The following VEPH1 variants were observed in gnomAD, a reference collection of about 807,000 sequenced individuals.
VEPH1 encodes the protein ventricular zone-expressed PH domain-containing protein homolog 1.
Under a neutral mutation model 85.2 loss-of-function variants are expected in VEPH1, and 80 were observed. That is an observed-to-expected ratio of 0.94 (90% CI 0.78 to 1.13). The LOEUF (loss-of-function observed/expected upper bound fraction) is 1.13. Among genes scored for constraint, VEPH1 ranks in the 50% most tolerant of loss-of-function variants. The pLI is 0.00. For synonymous variants in VEPH1, 297 were observed against 348.0 expected (o/e 0.85, Z 1.63); for missense variants, 955 against 980.5 (o/e 0.97, Z 0.35).
chr3:157,484,095 T>G (rs951830076), intron 2 of VEPH1, among the ~76,000 whole-genome samples: 1 of 152,052 alleles, frequency 6.6e-6, no homozygotes. Context: ...GAGAGAAAAG[T>G]AGATTCGGTA....
At chr3:157,295,218 A>C (rs1203702683) in intron 11 of VEPH1, among the ~76,000 whole-genome samples, 1 of 152,226 alleles carries the variant, frequency 6.6e-6, no homozygotes, top group Non-Finnish European at 1.5e-5. Context: ...AAATAATAGT[A>C]ATCTGTGATG....
chr3:157,294,934 CATT>C, intron 11 of VEPH1, among the ~76,000 whole-genome samples: 1 of 152,258 alleles, frequency 6.6e-6, no homozygotes, highest in Admixed American at 6.5e-5. Context: ...AAGCTGGAGA[CATT>C]AGTCTTCCCT....
chr3:157,439,830 A>C (rs1733980395), intron 4 of VEPH1, among the ~76,000 whole-genome samples: 1 of 152,126 alleles, frequency 6.6e-6, no homozygotes, highest in Non-Finnish European at 1.5e-5. Flanking sequence ...GGCTCACTGC[A>C]AGCTCCGCCT....
At chr3:157,269,174 C>T (rs918150482) in intron 12 of VEPH1, among the ~76,000 whole-genome samples, 6 of 152,118 alleles carry the variant, frequency 3.9e-5, no homozygotes, top group African/African-American at 1.4e-4. Context: ...TTTATTTTTT[C>T]TCAAGGCAGA....
At chr3:157,379,371 A>T (rs1728504255) in intron 7 of VEPH1, among the ~76,000 whole-genome samples, 2 of 152,126 alleles carry the variant, frequency 1.3e-5, no homozygotes, top group Non-Finnish European at 2.9e-5. Context: ...GTGCAACTTG[A>T]CCTAGTGTCT....
chr3:157,280,006 C>A, intron 12 of VEPH1, among the ~76,000 whole-genome samples: 1 of 110,236 alleles, frequency 9.1e-6, no homozygotes, highest in East Asian at 2.7e-4. Context: ...CAGAGCAAGA[C>A]TCTGTTTCAA....
chr3:157,436,507 AATG>A (rs950391077), intron 4 of VEPH1, among the ~76,000 whole-genome samples: 3 of 152,152 alleles, frequency 2.0e-5, no homozygotes, highest in African/African-American at 7.2e-5. Context: ...AAAATGCTGA[AATG>A]ATGATTTGCT....
At chr3:157,398,263 G>T (rs1730563960) in intron 6 of VEPH1, among the ~76,000 whole-genome samples, 2 of 152,132 alleles carry the variant, frequency 1.3e-5, no homozygotes, top group African/African-American at 2.4e-5. Flanking sequence ...GCCAGTTCAG[G>T]TCACATACAA....
At chr3:157,288,567 A>T (rs1245359535) in intron 11 of VEPH1, among the ~76,000 whole-genome samples, 1 of 152,206 alleles carries the variant, frequency 6.6e-6, no homozygotes, top group Non-Finnish European at 1.5e-5. Context: ...ATTGGTTTGT[A>T]GACCCAGCAC....
At chr3:157,267,105 T>C (rs1577186847) in intron 12 of VEPH1, among the ~76,000 whole-genome samples, 1 of 59,502 alleles carries the variant, frequency 1.7e-5, no homozygotes, top group African/African-American at 5.9e-5. Context: ...TTTTTTTCTT[T>C]TTTTTTTTTT....
At chr3:157,418,599 A>G (rs1732097835) in intron 5 of VEPH1, among the ~76,000 whole-genome samples, 1 of 152,234 alleles carries the variant, frequency 6.6e-6, no homozygotes, top group Non-Finnish European at 1.5e-5. Context: ...CAAAGAGAAT[A>G]AAATATCTTG....
At chr3:157,444,971 G>A (rs571018244) in intron 4 of VEPH1, among the ~76,000 whole-genome samples, 2 of 152,246 alleles carry the variant, frequency 1.3e-5, no homozygotes, top group Admixed American at 6.5e-5. Flanking sequence ...TAGCTTTAGT[G>A]GAACATGTGA....
chr3:157,379,471 G>A (rs1728515085), intron 7 of VEPH1, among the ~76,000 whole-genome samples: 1 of 152,120 alleles, frequency 6.6e-6, no homozygotes, highest in Non-Finnish European at 1.5e-5. Flanking sequence ...CTGGCTGCTG[G>A]TCAGTACATC....
At chr3:157,423,498 C>A (rs1732511919) in intron 5 of VEPH1, among the ~76,000 whole-genome samples, 1 of 152,216 alleles carries the variant, frequency 6.6e-6, no homozygotes, top group Non-Finnish European at 1.5e-5. Context: ...TCTCCTGAAG[C>A]TTCCTGTGAA....
intron 6 of VEPH1, among the ~76,000 whole-genome samples, chr3:157,384,716 A>C (rs961106466): frequency 1.3e-5 from 2 of 152,358 alleles, no homozygotes; most frequent in East Asian, 3.9e-4. Context: ...CCAACCTCAC[A>C]TCATTTGTTC....
intron 7 of VEPH1, 115 bp downstream of exon 7, chr3:157,381,041 C>T (rs11918443): frequency 0.062 from 62,564 of 1,003,530 alleles, 2,772 homozygotes; most frequent in African/African-American, 0.17. Context: ...AGATATTATT[C>T]TCTGTTGAGA....
In VEPH1 at chr3:157,460,348, T is replaced by C. The variant is rs1294269816; in HGVS notation, c.362A>G (p.Asn121Ser). The change falls in exon 4 of 14, where the codon AAC becomes AGC. Residue 121 changes from asparagine (N) to serine (S), a missense_variant. Asn to Ser is a conservative substitution (Grantham distance 46, BLOSUM62 1). Transcript: ENST00000362010. ...GGCTAATGCCATCACTGGGGGTCGG[T>C]TGTAATTCTGAGGAAATATAAGAAA... ...DIMSCILQNY[N>S]RPPVMALAIP... 1.2e-6 allele frequency: 2 copies of C among 1,606,508 alleles called. No homozygotes were observed. The highest frequency in any genetic ancestry group is 2.7e-5 in the African/African-American group (2 of 74,722).
chr3:157,474,212 C>A (rs562688288), intron 2 of VEPH1, among the ~76,000 whole-genome samples: 1 of 152,174 alleles, frequency 6.6e-6, no homozygotes, highest in East Asian at 1.9e-4. Context: ...TGTCTATCTG[C>A]TTTTACTGGT....
chr3:157,297,686 G>A (rs1045355829), intron 11 of VEPH1, among the ~76,000 whole-genome samples: 10 of 152,098 alleles, frequency 6.6e-5, no homozygotes, highest in South Asian at 2.1e-4. Flanking sequence ...ATAGAAATGG[G>A]ATGGCATAAG....
Sources: allele counts gnomAD v4.1 joint callset (sites outside exome capture counted in the v4.1 genomes callset), GRCh38; gene constraint gnomAD v4.1.1; transcripts MANE v1.5; gene names NCBI Gene and HGNC (gene_info 2026-07-23, HGNC 2026-07-21).